SFRP2: variants seen among roughly 807,000 people sequenced by gnomAD.
SFRP2 encodes secreted frizzled related protein 2, also known as secreted frizzled-related protein 2.
SFRP2 carries 16 observed loss-of-function variants against 26.0 expected under a neutral mutation model. That is an observed-to-expected ratio of 0.61 (90% CI 0.42 to 0.93). The LOEUF (loss-of-function observed/expected upper bound fraction) is 0.93. Ranked by LOEUF, SFRP2 falls within the 40% of genes least tolerant of loss-of-function variation. The pLI, the probability that SFRP2 is intolerant of heterozygous loss-of-function variation, is 0.00. For synonymous variants in SFRP2, 173 were observed against 167.3 expected (o/e 1.03, Z -0.26); for missense variants, 343 against 392.4 (o/e 0.87, Z 1.06).
chr4:153,784,569 A>G (rs1445487751), intron 2 of SFRP2, among the ~76,000 whole-genome samples: 1 of 152,182 alleles, frequency 6.6e-6, no homozygotes, highest in East Asian at 1.9e-4. Context: ...ACTTTCTGGA[A>G]GAGACCTGGA....
intron 1 of SFRP2, among the ~76,000 whole-genome samples, chr4:153,788,048 C>T (rs1741238994): frequency 6.6e-6 from 1 of 152,138 alleles, no homozygotes; most frequent in Non-Finnish European, 1.5e-5. Flanking sequence ...TTCAGTTCTT[C>T]GTTTTTTTAG....
In SFRP2 at chr4:153,788,804, A is replaced by T; in HGVS notation, c.32T>A (p.Leu11His). 4.4e-6 allele frequency: 7 copies of T among 1,602,954 alleles called. No individual in the cohort carries two copies. The highest frequency in any genetic ancestry group is 5.1e-6 in the Non-Finnish European group (6 of 1,178,784). MLQGPGSLLL[L>H]FLASHCCLGS... ...CAGGCAGCAGTGCGAGGCGAGGAAG[A>T]GCAGCAGCAGCGAGCCAGGGCCCTG... The change falls in exon 1 of 3, where the codon CTC becomes CAC. Residue 11 changes from leucine (L) to histidine (H), a missense_variant. Physicochemically the swap from Leu to His is moderately conservative, Grantham distance 99. Coordinates refer to ENST00000274063, the MANE Select transcript of SFRP2 (RefSeq NM_003013.3).
chr4:153,780,747 AAG>A lies in SFRP2; in HGVS notation c.*702_*703del, dbSNP rs1741105292. On this transcript the variant is annotated 3_prime_UTR_variant, in exon 3 of 3. Transcript: ENST00000274063. ...TGGGTTTAATTTGCAAAAGTTAAGT[AAG>A]AAATGTTTTAAACAAGGCTTAAAGT... is the stretch of plus-strand genomic sequence containing the variant. 6.5e-6 allele frequency: 1 copy of A among 152,804 alleles called. No individual in the cohort carries two copies. The highest frequency in any genetic ancestry group is 2.1e-4 in the South Asian group (1 of 4,826). The allele number at this position is 152,804 out of a possible 1,614,324, so 9.5% of individuals were successfully genotyped here.
rs778153340 is a variant in SFRP2, at chr4:153,788,644, C to G, written c.192G>C (p.Leu64=). The G allele has an allele frequency of 1.2e-6, 2 of 1,614,202 alleles. No individual in the cohort carries two copies. The highest frequency in any genetic ancestry group is 2.2e-5 in the South Asian group (2 of 91,088). Residue 64 remains leucine, a synonymous_variant, in exon 1 of 3, where the codon CTG becomes CTC. Transcript: ENST00000274063. The part of the protein sequence containing the change: ...EYQNMRLPNL[L]GHETMKEVLE... The stretch of plus-strand genomic sequence containing the variant: ...GCACCTCCTTCATGGTCTCGTGGCC[C>G]AGCAGGTTGGGCAGCCGCATGTTCT...
At chr4:153,785,466 T>A (rs184125534) in intron 2 of SFRP2, among the ~76,000 whole-genome samples, 1 of 148,426 alleles carries the variant, frequency 6.7e-6, no homozygotes, top group East Asian at 2.0e-4. Flanking sequence ...CTTGAATCTG[T>A]TTGGCTGGGG....
At position 153,788,724 on chromosome 4, in the gene SFRP2, T is replaced by G. The variant is rs1741259112; in HGVS notation, c.112A>C (p.Ser38Arg). The change falls in exon 1 of 3, where the codon AGC becomes CGC. Residue 38 changes from serine (S) to arginine (R), a missense_variant. By Grantham distance (110) the Ser-to-Arg change is moderately radical (BLOSUM62 -1). Transcript: ENST00000274063. ...FGQPDFSYKR[S>R]NCKPIPANLQ... ...TTGGCAGGGATGGGCTTGCAATTGC[T>G]GCGCTTGTAGGAGAAGTCGGGCTGG... The G allele has an allele frequency of 3.1e-6, 5 of 1,613,822 alleles. No homozygotes were observed. The highest frequency in any genetic ancestry group is 4.2e-6 in the Non-Finnish European group (5 of 1,180,038).
rs1741116708 is a variant in SFRP2 at position 153,781,315 on chromosome 4, A to G, written c.*136T>C. On this transcript the variant is annotated 3_prime_UTR_variant, in exon 3 of 3. Transcript: ENST00000274063. The stretch of plus-strand genomic sequence containing the variant: ...GAAATGCTGGGGATGCAAACGTGCA[A>G]AAGGCAGGGGGAAGCTGCCCAGGCT... 1.3e-6 allele frequency: 1 copy of G among 747,514 alleles called. No homozygotes were observed. The highest frequency in any genetic ancestry group is 1.8e-5 in the South Asian group (1 of 55,308). The allele number at this position is 747,514 out of a possible 1,614,324, so 46.3% of individuals were successfully genotyped here. A position where few individuals can be genotyped will look rare whatever the true frequency, so the allele number is the denominator to read the frequency against.
chr4:153,788,980 G>A lies in SFRP2; in HGVS notation c.-145C>T. On this transcript the variant is annotated 5_prime_UTR_variant, in exon 1 of 3. Coordinates refer to ENST00000274063, the MANE Select transcript of SFRP2 (RefSeq NM_003013.3). ...GCTGGCAGCCGGCGGCTGGGGCGCG[G>A]AGAAGCGGGACACCGGGAGGACAGC... The A allele has an allele frequency of 1.0e-6, 1 of 997,722 alleles. No individual in the cohort carries two copies. 61.8% of individuals were successfully genotyped at this position (997,722 alleles called of 1,614,324 possible).
chr4:153,787,660 C>G (rs1020128843), intron 1 of SFRP2, among the ~76,000 whole-genome samples: 3 of 152,182 alleles, frequency 2.0e-5, no homozygotes, highest in Non-Finnish European at 4.4e-5. Context: ...AAACTGATAG[C>G]AATAGAAAAG....
rs755324538 is a variant in SFRP2 at position 153,788,533 on chromosome 4, G to C, written c.303C>G (p.Pro101=). Residue 101 remains proline, a synonymous_variant, in exon 1 of 3, where the codon CCC becomes CCG. Coordinates refer to ENST00000274063, the MANE Select transcript of SFRP2 (RefSeq NM_003013.3). ...TKKFLCSLFA[P]VCLDDLDETI... is the part of the protein sequence containing the mutation. ...TCTCGTCTAGGTCATCGAGGCAGAC[G>C]GGGGCGAAGAGCGAGCACAGGAACT... is the stretch of plus-strand genomic sequence containing the variant. The C allele has an allele frequency of 6.2e-7, 1 of 1,614,070 alleles. No individual in the cohort carries two copies. The highest frequency in any genetic ancestry group is 1.7e-5 in the Admixed American group (1 of 60,004).
At chr4:153,781,919 G>A (rs1017594960) in intron 2 of SFRP2, among the ~76,000 whole-genome samples, 164 bp from the exon 3 acceptor site, 1 of 152,196 alleles carries the variant, frequency 6.6e-6, no homozygotes, top group African/African-American at 2.4e-5. Flanking sequence ...GGAGCTAGGG[G>A]CAGCAGGTGG....
Position 153,784,710 on chromosome 4 carries a change from T to G in SFRP2, c.583+1154A>C, listed in dbSNP as rs573778059. On this transcript the variant is annotated intron_variant, in intron 2 of 2. Transcript: ENST00000274063. ...CCTCAGTCTCGAGGACTATGTTGAA[T>G]ATGTAGAAGTGTTAATATGGGTCTA... Among the ~76,000 whole-genome samples the G allele has an allele frequency of 4.6e-5, 7 of 152,276 alleles. No homozygotes were observed. The East Asian group carries it at 1.3e-3, about 29-fold the overall frequency.
intron 2 of SFRP2, among the ~76,000 whole-genome samples, chr4:153,783,506 T>A (rs189039358): frequency 6.6e-6 from 1 of 152,196 alleles, no homozygotes; most frequent in African/African-American, 2.4e-5. Flanking sequence ...ACAGAGAGAA[T>A]TGAATCCCCC....
chr4:153,786,798 G>T (rs538306843), intron 1 of SFRP2, among the ~76,000 whole-genome samples: 1 of 150,762 alleles, frequency 6.6e-6, no homozygotes, highest in African/African-American at 2.4e-5. Flanking sequence ...TTGTATACTA[G>T]CACAATTATC....
Position 153,788,460 on chromosome 4 carries a change from C to A in SFRP2, c.376G>T (p.Ala126Ser), listed in dbSNP as rs745780901. ...AAGCCGAAGGCGGACATGACCGGGGCGCAGCGGTCCTTCACCTGCACGCAG... is the reference window on the plus strand; with the variant it reads ...AAGCCGAAGGCGGACATGACCGGGGAGCAGCGGTCCTTCACCTGCACGCAG... ...SLCVQVKDRC[A>S]PVMSAFGFPW... The change falls in exon 1 of 3, where the codon GCC becomes TCC. Residue 126 changes from alanine to serine, a missense_variant. Ala to Ser is a moderately conservative substitution (Grantham distance 99). Coordinates refer to ENST00000274063, the MANE Select transcript of SFRP2 (RefSeq NM_003013.3). The A allele has an allele frequency of 6.8e-6, 11 of 1,614,026 alleles. No individual in the cohort carries two copies. The Admixed American group carries it at 1.0e-4, about 15-fold the overall frequency.
Position 153,781,500 on chromosome 4 carries a change from T to C in SFRP2, c.839A>G (p.Gln280Arg). The C allele has an allele frequency of 6.2e-7, 1 of 1,614,122 alleles. No individual in the cohort carries two copies. The highest frequency in any genetic ancestry group is 1.3e-5 in the African/African-American group (1 of 75,052). Residue 280 changes from glutamine to arginine, a missense_variant, in exon 3 of 3, where the codon CAG becomes CGG. Coordinates refer to ENST00000274063, the MANE Select transcript of SFRP2 (RefSeq NM_003013.3). ...GCGGGAGATGCGCTTGAACTCTCTCTGCCCCTTCTGCCACCGCTTCACCGA... is the reference window on the plus strand; with the variant it reads ...GCGGGAGATGCGCTTGAACTCTCTCCGCCCCTTCTGCCACCGCTTCACCGA... ...ITSVKRWQKG[Q>R]REFKRISRSI...
In SFRP2 at chr4:153,781,182, T is replaced by A; in HGVS notation, c.*269A>T. ...GCTTTAAAGTGAGCTATTTTTAAACTTCATAAAAATATTCATGATTTTATT... is the reference window on the plus strand; with the variant it reads ...GCTTTAAAGTGAGCTATTTTTAAACATCATAAAAATATTCATGATTTTATT... On this transcript the variant is annotated 3_prime_UTR_variant, in exon 3 of 3. Transcript: ENST00000274063. 1 of 462,134 alleles carries A rather than the reference T, an allele frequency of 2.2e-6. No individual in the cohort carries two copies. The highest frequency in any genetic ancestry group is 3.5e-5 in the East Asian group (1 of 28,412). The allele number at this position is 462,134 out of a possible 1,614,324, so 28.6% of individuals were successfully genotyped here. A position where few individuals can be genotyped will look rare whatever the true frequency, so the allele number is the denominator to read the frequency against.
Position 153,788,428 on chromosome 4 carries a change from C to T in SFRP2, c.408G>A (p.Trp136Ter). The T allele has an allele frequency of 1.2e-6, 2 of 1,614,110 alleles. No individual in the cohort carries two copies. Among genetic ancestry groups the T allele is most frequent in the Non-Finnish European group, 1.7e-6 (2 of 1,180,038 alleles). The change falls in exon 1 of 3, where the codon TGG becomes TGA. Residue 136 changes from tryptophan (W) to a stop codon, truncating the protein, a stop_gained. Coordinates refer to ENST00000274063, the MANE Select transcript of SFRP2 (RefSeq NM_003013.3). LOFTEE classifies it high-confidence loss of function. ...AACGGTCGCACTCAAGCATGTCGGG[C>T]CAGGGGAAGCCGAAGGCGGACATGA... Reference protein sequence around the residue: ...APVMSAFGFPWPDMLECDRFP... With the variant: ...APVMSAFGFP
chr4:153,781,801 T>G, intron 2 of SFRP2, 46 bp from the exon 3 acceptor site: 1 of 1,497,754 alleles, frequency 6.7e-7, no homozygotes, highest in Non-Finnish European at 9.2e-7. Context: ...AATGAGGGAA[T>G]ACAGTATACC....
Sources: gnomAD v4.1 joint callset for allele counts (sites outside exome capture counted in the v4.1 genomes callset) on GRCh38, gnomAD v4.1.1 for gene constraint, MANE v1.5 for transcripts, NCBI Gene and HGNC (gene_info 2026-07-23, HGNC 2026-07-21) for gene names.